Variants in XYLT1 observed in about 807,000 individuals in gnomAD.
The protein encoded by XYLT1 is beta-D-xylosyltransferase 1.
In XYLT1, 36 loss-of-function variants were observed where a neutral mutation model predicts 91.3. That is an observed-to-expected ratio of 0.39 (90% confidence interval 0.30 to 0.52). The LOEUF is 0.52. XYLT1 is among the 20% of genes least tolerant of loss of function. XYLT1 has a pLI of 0.68. For missense variants in XYLT1, 1,242 were observed against 1,284.5 expected (o/e 0.97, Z 0.51); for synonymous variants, 588 against 532.0 (o/e 1.11, Z -1.45).
chr16:17,460,628 A>C (rs2036806891), intron 1 of XYLT1, among the ~76,000 whole-genome samples: 1 of 152,098 alleles, frequency 6.6e-6, no homozygotes, highest in Admixed American at 6.6e-5. Context: ...GACAGGAGAG[A>C]TCTTAGGGGG....
At chr16:17,364,947 G>T (rs772359812) in intron 1 of XYLT1, among the ~76,000 whole-genome samples, 2 of 152,170 alleles carry the variant, frequency 1.3e-5, no homozygotes, top group African/African-American at 2.4e-5. Flanking sequence ...CTGAACCGGA[G>T]AGACTTTACA....
intron 1 of XYLT1, among the ~76,000 whole-genome samples, chr16:17,402,252 C>G (rs1463474313): frequency 1.3e-5 from 2 of 151,546 alleles, no homozygotes; most frequent in African/African-American, 4.9e-5. Flanking sequence ...CCGGTGAGGT[C>G]AAGGCTGCAG....
At position 17,103,035 on chromosome 16, in the gene XYLT1, C is replaced by G. The variant is rs1697533154; in HGVS notation, c.*5660G>C. ...TTTCCTATGAAAACCCTGGGGTTGT[C>G]TTTGGCCTCCATCAGCACTGGAGCA... On this transcript the variant is annotated 3_prime_UTR_variant, in exon 12 of 12. Coordinates refer to ENST00000261381, the MANE Select transcript of XYLT1 (RefSeq NM_022166.4). 1 of 152,166 alleles carries G rather than the reference C, an allele frequency of 6.6e-6. No homozygotes were observed. The highest frequency in any genetic ancestry group is 1.5e-5 in the Non-Finnish European group (1 of 68,004). 9.4% of individuals were successfully genotyped at this position (152,166 alleles called of 1,614,324 possible).
intron 1 of XYLT1, among the ~76,000 whole-genome samples, chr16:17,379,759 T>TCA (rs1489816883): frequency 2.1e-3 from 249 of 117,924 alleles, no homozygotes; most frequent in Non-Finnish European, 3.3e-3. Flanking sequence ...TCTCTCTCTC[T>TCA]CTCTCACACA....
intron 2 of XYLT1, among the ~76,000 whole-genome samples, chr16:17,326,405 AC>A (rs1221780746): frequency 2.6e-5 from 4 of 152,046 alleles, no homozygotes; most frequent in African/African-American, 7.2e-5. Flanking sequence ...CAGTTCTCCT[AC>A]CTTTAAAATA....
chr16:17,149,787 A>ACTT (rs1386158009), intron 6 of XYLT1, among the ~76,000 whole-genome samples: 1 of 152,226 alleles, frequency 6.6e-6, no homozygotes, highest in Non-Finnish European at 1.5e-5. Context: ...ACCTTAGGCA[A>ACTT]CTTTAATCAT....
chr16:17,344,476 G>A (rs1486755284), intron 2 of XYLT1, among the ~76,000 whole-genome samples: 1 of 139,088 alleles, frequency 7.2e-6, no homozygotes, highest in African/African-American at 2.7e-5. Flanking sequence ...CTGGGTGACA[G>A]AAGGAGACTC....
intron 3 of XYLT1, among the ~76,000 whole-genome samples, chr16:17,244,380 C>T (rs541237197): frequency 6.8e-4 from 104 of 152,170 alleles, no homozygotes; most frequent in Middle Eastern, 3.4e-3. Flanking sequence ...ATGTTACTAA[C>T]GTGAAACCTG....
intron 2 of XYLT1, 79 bp from the exon 3 acceptor site, chr16:17,259,577 T>G: frequency 6.7e-7 from 1 of 1,490,144 alleles, no homozygotes; most frequent in Non-Finnish European, 9.1e-7. Flanking sequence ...GAAGAGTGAG[T>G]CATACGGACT....
chr16:17,323,085 C>T (rs202007896), intron 2 of XYLT1, among the ~76,000 whole-genome samples: 42 of 152,316 alleles, frequency 2.8e-4, no homozygotes, highest in African/African-American at 9.1e-4. Flanking sequence ...CAGAGCTCTC[C>T]AGGCAAGCTG....
Position 17,444,505 on chromosome 16 carries a change from T to A in XYLT1, c.363+25929A>T, listed in dbSNP as rs1025837299. Among the ~76,000 whole-genome samples, 25 of 107,198 alleles carry A rather than the reference T, an allele frequency of 2.3e-4. 1 individual carries two copies. Among genetic ancestry groups the A allele is most frequent in the East Asian group, 1.2e-3 (6 of 5,064 alleles). The allele number at this position is 107,198 out of a possible 152,430, so 70.3% of individuals were successfully genotyped here. ...CACATGCCACCATGTCCAGCTAACT[T>A]CTTCTTCTTTTTTTTTTTTTTAATA... On this transcript the variant is annotated intron_variant, in intron 1 of 11. Transcript: ENST00000261381.
In XYLT1 at chr16:17,414,049, A is replaced by T. The variant is rs552067550; in HGVS notation, c.364-55999T>A. Among the ~76,000 whole-genome samples, 7 of 152,030 alleles carry T rather than the reference A, an allele frequency of 4.6e-5. No individual in the cohort carries two copies. In the South Asian group the frequency reaches 1.5e-3, roughly 32 times the overall value. ...GCCTTGCCTCACCTTTCCTGTGGGA[A>T]CCCCAGTAAAGGTTCTGGCCTAGAT... is the stretch of plus-strand genomic sequence containing the variant. On this transcript the variant is annotated intron_variant, in intron 1 of 11. Coordinates refer to ENST00000261381, the MANE Select transcript of XYLT1 (RefSeq NM_022166.4).
intron 1 of XYLT1, among the ~76,000 whole-genome samples, chr16:17,454,404 G>GT (rs1260880632): frequency 1.3e-5 from 2 of 151,962 alleles, no homozygotes; most frequent in African/African-American, 4.8e-5. Context: ...GATAGTAAAT[G>GT]TTTTAGGCTT....
At chr16:17,231,139 C>T (rs1219030230) in intron 3 of XYLT1, among the ~76,000 whole-genome samples, 3 of 152,152 alleles carry the variant, frequency 2.0e-5, no homozygotes, top group Non-Finnish European at 2.9e-5. Flanking sequence ...GTGCATTTGC[C>T]CTTGAAAGGC....
chr16:17,168,436 A>G (rs2031748975), intron 5 of XYLT1, among the ~76,000 whole-genome samples: 1 of 152,146 alleles, frequency 6.6e-6, no homozygotes, highest in African/African-American at 2.4e-5. Context: ...GGGGACTACT[A>G]GAGAGGGAAG....
At chr16:17,190,976 C>T (rs951681095) in intron 5 of XYLT1, among the ~76,000 whole-genome samples, 1 of 152,182 alleles carries the variant, frequency 6.6e-6, no homozygotes, top group Non-Finnish European at 1.5e-5. Context: ...GTGCATACTT[C>T]AGAGTTGTTG....
At chr16:17,326,600 G>A (rs1344194590) in intron 2 of XYLT1, among the ~76,000 whole-genome samples, 1 of 152,030 alleles carries the variant, frequency 6.6e-6, no homozygotes, top group Non-Finnish European at 1.5e-5. Flanking sequence ...GAGGCGGGCG[G>A]ATCACAAGGT....
At chr16:17,115,980 TAAA>T (rs58219672) in intron 11 of XYLT1, among the ~76,000 whole-genome samples, 33 of 69,128 alleles carry the variant, frequency 4.8e-4, no homozygotes, top group Non-Finnish European at 1.1e-3. Flanking sequence ...ACTTAGAAAG[TAAA>T]AAAAAAAAAA....
chr16:17,158,071 G>C (rs1448641989), intron 6 of XYLT1, among the ~76,000 whole-genome samples: 1 of 152,188 alleles, frequency 6.6e-6, no homozygotes, highest in Non-Finnish European at 1.5e-5. Context: ...CTATTGGAAT[G>C]AGGAATCCCA....
Sources: allele counts gnomAD v4.1 joint callset (sites outside exome capture counted in the v4.1 genomes callset), GRCh38; gene constraint gnomAD v4.1.1; transcripts MANE v1.5; gene names NCBI Gene and HGNC (gene_info 2026-07-23, HGNC 2026-07-21).